The following PPARGC1A variants were observed in gnomAD, a reference collection of about 807,000 sequenced individuals.
The protein encoded by PPARGC1A is peroxisome proliferator-activated receptor gamma coactivator 1-alpha.
Under a neutral mutation model 88.7 loss-of-function variants are expected in PPARGC1A, and 25 were observed. That is an observed-to-expected ratio of 0.28 (90% CI 0.21 to 0.39). The LOEUF (loss-of-function observed/expected upper bound fraction) is 0.39. Among genes scored for constraint, PPARGC1A ranks in the 10% least tolerant of loss-of-function variants. The probability of loss-of-function intolerance (pLI) is 1.00; values close to 1 mark genes in which losing one functional copy is unlikely to be tolerated. For missense variants in PPARGC1A, 880 were observed against 968.7 expected (o/e 0.91, Z 1.22); for synonymous variants, 363 against 355.6 (o/e 1.02, Z -0.24).
the PPARGC1A span, among the ~76,000 whole-genome samples, chr4:24,039,544 C>A: frequency 1.5e-3 from 222 of 152,128 alleles, no homozygotes; most frequent in African/African-American, 5.1e-3. Flanking sequence ...GATCAGTCAG[C>A]TTATAAAATG....
At chr4:23,805,839 A>G (rs994123773) in intron 10 of PPARGC1A, among the ~76,000 whole-genome samples, 2 of 152,196 alleles carry the variant, frequency 1.3e-5, no homozygotes, top group African/African-American at 4.8e-5. Context: ...AAATTGCTCA[A>G]CTACCATTAT....
chr4:24,454,733 G>C, the PPARGC1A span, among the ~76,000 whole-genome samples: 1 of 134,984 alleles, frequency 7.4e-6, no homozygotes, highest in Non-Finnish European at 1.5e-5. Context: ...AAGAGACCTT[G>C]TCTCAAAAAA....
chr4:24,218,072 C>T, the PPARGC1A span, among the ~76,000 whole-genome samples: 28 of 152,060 alleles, frequency 1.8e-4, no homozygotes, highest in Admixed American at 3.3e-4. Context: ...AGAATGCTGG[C>T]GCAATTCATA....
chr4:23,872,309 C>G (rs1183483768), intron 2 of PPARGC1A, among the ~76,000 whole-genome samples: 2 of 152,134 alleles, frequency 1.3e-5, no homozygotes, highest in African/African-American at 2.4e-5. Context: ...TTGGCTTCCT[C>G]TTGTTTTCCC....
chr4:23,800,959 GTTTC>G (rs1165915147), intron 12 of PPARGC1A, among the ~76,000 whole-genome samples: 3 of 142,556 alleles, frequency 2.1e-5, no homozygotes, highest in Middle Eastern at 3.5e-3. Flanking sequence ...AATAACAGGT[GTTTC>G]TTTCTTTTTT....
At chr4:24,404,985 C>T in the PPARGC1A span, among the ~76,000 whole-genome samples, 2 of 152,136 alleles carry the variant, frequency 1.3e-5, no homozygotes, top group African/African-American at 2.4e-5. Context: ...TTCAAAAGGT[C>T]ACTTACACTT....
chr4:24,311,086 C>CTTTTTT, the PPARGC1A span, among the ~76,000 whole-genome samples: 2 of 59,870 alleles, frequency 3.3e-5, no homozygotes, highest in African/African-American at 1.5e-4. Flanking sequence ...TATAATAATT[C>CTTTTTT]TTTTTTTTTT....
chr4:23,810,701 A>G (rs1720738584), intron 10 of PPARGC1A, among the ~76,000 whole-genome samples: 1 of 152,228 alleles, frequency 6.6e-6, no homozygotes, highest in Non-Finnish European at 1.5e-5. Flanking sequence ...TTATGATGAA[A>G]CTATTAATCT....
At chr4:24,195,792 A>G in the PPARGC1A span, among the ~76,000 whole-genome samples, 5 of 151,914 alleles carry the variant, frequency 3.3e-5, no homozygotes, top group Non-Finnish European at 5.9e-5. Flanking sequence ...TGTTCTAGAT[A>G]CTCTAGGATT....
chr4:24,246,759 T>C, the PPARGC1A span, among the ~76,000 whole-genome samples: 1 of 152,190 alleles, frequency 6.6e-6, no homozygotes, highest in Non-Finnish European at 1.5e-5. Flanking sequence ...GGAACCATCT[T>C]CCGGGAGCTG....
chr4:24,170,020 A>T, the PPARGC1A span, among the ~76,000 whole-genome samples: 1 of 152,242 alleles, frequency 6.6e-6, no homozygotes, highest in Non-Finnish European at 1.5e-5. Flanking sequence ...ATAATTAAAA[A>T]TTCATAACAC....
chr4:23,887,007 T>C (rs1409826866), intron 1 of PPARGC1A, among the ~76,000 whole-genome samples: 1 of 152,200 alleles, frequency 6.6e-6, no homozygotes, highest in Non-Finnish European at 1.5e-5. Context: ...GCATACTGAT[T>C]TGTGGACAAC....
At chr4:23,983,210 A>C in the PPARGC1A span, among the ~76,000 whole-genome samples, 3 of 152,148 alleles carry the variant, frequency 2.0e-5, no homozygotes, top group African/African-American at 7.2e-5. Flanking sequence ...TTGTAAAAAT[A>C]AAGGAAATAA....
the PPARGC1A span, among the ~76,000 whole-genome samples, chr4:24,441,640 T>C: frequency 4.7e-4 from 71 of 151,310 alleles, no homozygotes; most frequent in African/African-American, 1.7e-3. Flanking sequence ...CCCTGGCTAT[T>C]GTCCAAAAAA....
chr4:23,826,908 C>T (rs1577413217), intron 5 of PPARGC1A, among the ~76,000 whole-genome samples: 1 of 152,006 alleles, frequency 6.6e-6, no homozygotes, highest in Non-Finnish European at 1.5e-5. Context: ...GGCTGGGTCA[C>T]ATATTACAAG....
At chr4:24,154,223 T>C in the PPARGC1A span, among the ~76,000 whole-genome samples, 3 of 125,580 alleles carry the variant, frequency 2.4e-5, no homozygotes, top group Non-Finnish European at 5.5e-5. Flanking sequence ...GCTCATAAGC[T>C]GTGTTCTACC....
the PPARGC1A span, among the ~76,000 whole-genome samples, chr4:24,136,174 A>G: frequency 6.6e-6 from 1 of 152,206 alleles, no homozygotes; most frequent in African/African-American, 2.4e-5. Context: ...GAAGCTGTAC[A>G]GGCACTTAAT....
In PPARGC1A at chr4:23,861,085, A is replaced by G. The variant is rs71608995; in HGVS notation, c.234+23667T>C. Among the ~76,000 whole-genome samples, 236 of 152,330 alleles carry G rather than the reference A, an allele frequency of 1.5e-3. 1 individual carries two copies. Among genetic ancestry groups the G allele is most frequent in the Admixed American group, 2.5e-3 (38 of 15,296 alleles). On this transcript the variant is annotated intron_variant, in intron 2 of 12. Coordinates refer to ENST00000264867, the MANE Select transcript of PPARGC1A (RefSeq NM_013261.5). The stretch of plus-strand genomic sequence containing the variant: ...CTCTAAGTACAACATATTTCAAACT[A>G]AGGGCAAAGACTCCTAACAGCCCTT...
At chr4:23,961,154 T>G in the PPARGC1A span, among the ~76,000 whole-genome samples, 9 of 152,138 alleles carry the variant, frequency 5.9e-5, no homozygotes, top group Non-Finnish European at 1.3e-4. Context: ...CTTACTATTT[T>G]CACCTCCTAA....
Sources: gnomAD v4.1 joint callset for allele counts (sites outside exome capture counted in the v4.1 genomes callset) on GRCh38, gnomAD v4.1.1 for gene constraint, MANE v1.5 for transcripts, NCBI Gene and HGNC (gene_info 2026-07-23, HGNC 2026-07-21) for gene names.